Variants in RFX3 observed in about 807,000 individuals in gnomAD.
RFX3 encodes the protein regulatory factor X3.
RFX3 carries 14 observed loss-of-function variants against 98.6 expected under a neutral mutation model. The ratio of observed to expected loss-of-function variants is 0.14; its 90% CI spans 0.09 to 0.22. RFX3 has a LOEUF of 0.22. RFX3 is among the 10% of genes least tolerant of loss of function. The probability of loss-of-function intolerance (pLI) is 1.00; values close to 1 mark genes in which losing one functional copy is unlikely to be tolerated. For synonymous variants in RFX3, 383 were observed against 328.4 expected (o/e 1.17, Z -1.80); for missense variants, 639 against 926.9 (o/e 0.69, Z 4.03).
intron 16 of RFX3, among the ~76,000 whole-genome samples, chr9:3,227,688 T>C (rs1817942238): frequency 6.6e-6 from 1 of 152,170 alleles, no homozygotes; most frequent in African/African-American, 2.4e-5. Context: ...ATCATCAGTG[T>C]TGCTTTATGT....
At chr9:3,503,350 T>C (rs1049285126) in intron 1 of RFX3, among the ~76,000 whole-genome samples, 2 of 152,158 alleles carry the variant, frequency 1.3e-5, no homozygotes, top group Non-Finnish European at 2.9e-5. Context: ...TAAGGTTCCA[T>C]AAAAATGTCT....
At chr9:3,229,305 C>T (rs80078192) in intron 15 of RFX3, among the ~76,000 whole-genome samples, 3,147 of 152,272 alleles carry the variant, frequency 0.021, 118 homozygotes, top group African/African-American at 0.071. Flanking sequence ...GAAGTCTCTA[C>T]ATTAGAGAAA....
At chr9:3,297,579 T>G (rs919703445) in intron 5 of RFX3, among the ~76,000 whole-genome samples, 1 of 152,050 alleles carries the variant, frequency 6.6e-6, no homozygotes, top group African/African-American at 2.4e-5. Flanking sequence ...AGATGGATTA[T>G]TACCCATCAG....
At chr9:3,506,498 C>T (rs1817110666) in intron 1 of RFX3, among the ~76,000 whole-genome samples, 1 of 151,740 alleles carries the variant, frequency 6.6e-6, no homozygotes, top group Non-Finnish European at 1.5e-5. Context: ...AGCAAGGTTC[C>T]CATAATGCCC....
intron 5 of RFX3, among the ~76,000 whole-genome samples, chr9:3,300,193 A>T (rs1297490218): frequency 6.6e-6 from 1 of 151,812 alleles, no homozygotes; most frequent in Non-Finnish European, 1.5e-5. Context: ...ATACTTACGA[A>T]ACATAAAAGA....
Position 3,515,505 on chromosome 9 carries a change from C to T in RFX3, c.-9+10242G>A, listed in dbSNP as rs111535893. On this transcript the variant is annotated intron_variant, in intron 1 of 16. Transcript: ENST00000617270. ...AAGTCCCACCTCAAGCCCCCACACC[C>T]GCCTAAACTTAATGGTCCAGGAAAA... is the stretch of plus-strand genomic sequence containing the variant. Among the ~76,000 whole-genome samples the T allele has an allele frequency of 5.3e-5, 8 of 152,242 alleles. 1 individual carries two copies. Among genetic ancestry groups the T allele is most frequent in the East Asian group, 1.9e-4 (1 of 5,186 alleles).
chr9:3,416,323 C>T (rs1026911625), intron 1 of RFX3, among the ~76,000 whole-genome samples: 5 of 152,158 alleles, frequency 3.3e-5, no homozygotes, highest in Non-Finnish European at 5.9e-5. Context: ...TCCAAGATCA[C>T]ATATCTAGCA....
intron 1 of RFX3, among the ~76,000 whole-genome samples, chr9:3,471,138 G>C (rs1186240046): frequency 5.9e-5 from 9 of 152,084 alleles, no homozygotes; most frequent in Non-Finnish European, 4.4e-5. Context: ...CTAAACAGCA[G>C]AGCAATTCTA....
intron 15 of RFX3, among the ~76,000 whole-genome samples, chr9:3,237,209 A>G (rs1819282006): frequency 6.6e-6 from 1 of 152,024 alleles, no homozygotes; most frequent in Non-Finnish European, 1.5e-5. Context: ...TTTCTAATTG[A>G]CTTGTTTTCC....
chr9:3,385,067 A>T (rs1236944323), intron 2 of RFX3, among the ~76,000 whole-genome samples: 1 of 152,208 alleles, frequency 6.6e-6, no homozygotes, highest in African/African-American at 2.4e-5. Flanking sequence ...ACTCAGCTAT[A>T]CATTGAGATC....
At chr9:3,445,235 G>GT (rs1361493132) in intron 1 of RFX3, among the ~76,000 whole-genome samples, 1 of 152,058 alleles carries the variant, frequency 6.6e-6, no homozygotes, top group Non-Finnish European at 1.5e-5. Context: ...TTTTCATAAA[G>GT]TAAGTTATTA....
intron 1 of RFX3, among the ~76,000 whole-genome samples, chr9:3,419,194 C>T (rs1251649301): frequency 3.3e-5 from 5 of 151,830 alleles, no homozygotes; most frequent in Admixed American, 6.6e-5. Flanking sequence ...TTTTATTTTG[C>T]GCAACTTCGA....
chr9:3,318,728 T>C (rs1587032445), intron 4 of RFX3, among the ~76,000 whole-genome samples: 3 of 152,144 alleles, frequency 2.0e-5, no homozygotes, highest in Non-Finnish European at 4.4e-5. Context: ...AATTAAGTTA[T>C]TATGCTTTCA....
intron 5 of RFX3, among the ~76,000 whole-genome samples, chr9:3,299,791 TCAA>T (rs1828427529): frequency 6.6e-6 from 1 of 151,778 alleles, no homozygotes; most frequent in African/African-American, 2.4e-5. Flanking sequence ...TTCAAACAAA[TCAA>T]CAAATACATT....
chr9:3,516,533 G>A (rs1214395750), intron 1 of RFX3, among the ~76,000 whole-genome samples: 1 of 152,186 alleles, frequency 6.6e-6, no homozygotes, highest in Non-Finnish European at 1.5e-5. Flanking sequence ...ATGCTTTCCA[G>A]ACCAGGGACC....
At chr9:3,517,308 T>C (rs1394677490) in intron 1 of RFX3, among the ~76,000 whole-genome samples, 1 of 152,194 alleles carries the variant, frequency 6.6e-6, no homozygotes, top group Non-Finnish European at 1.5e-5. Flanking sequence ...AGAACCTTTA[T>C]TTTCTCTTTA....
chr9:3,525,926 A>AAGAGAGAGAGAGAGGGAG lies in RFX3; in HGVS notation c.-206_-189dup. 1.1e-6 allele frequency: 1 copy of AAGAGAGAGAGAGAGGGAG among 917,212 alleles called. No homozygotes were observed. The highest frequency in any genetic ancestry group is 1.3e-6 in the Non-Finnish European group (1 of 770,846). 56.8% of individuals were successfully genotyped at this position (917,212 alleles called of 1,614,324 possible). ...AGGCAACGGTTGCTATAACTCACAA[A>AAGAGAGAGAGAGAGGGAG]AGAGAGAGAGAGAGGGAGAGAGAGA... is the stretch of plus-strand genomic sequence containing the variant. On this transcript the variant is annotated 5_prime_UTR_variant, in exon 1 of 17. Coordinates refer to ENST00000617270, the MANE Select transcript of RFX3 (RefSeq NM_001282116.2).
intron 6 of RFX3, among the ~76,000 whole-genome samples, chr9:3,291,390 AAAAACAAAACAAAAC>A (rs71324240): frequency 0.016 from 2,200 of 139,914 alleles, 36 homozygotes; most frequent in African/African-American, 0.056. Flanking sequence ...AAACAAAAAC[AAAAACAAAACAAAAC>A]AAAACAAAAC....
intron 1 of RFX3, among the ~76,000 whole-genome samples, chr9:3,493,413 G>A (rs931200288): frequency 1.3e-5 from 2 of 151,862 alleles, no homozygotes; most frequent in African/African-American, 2.4e-5. Context: ...GGCCAGGCGC[G>A]GTGGCTCACA....
Sources: allele counts gnomAD v4.1 joint callset (sites outside exome capture counted in the v4.1 genomes callset), GRCh38; gene constraint gnomAD v4.1.1; transcripts MANE v1.5; gene names NCBI Gene and HGNC (gene_info 2026-07-23, HGNC 2026-07-21).